Variants in MAGI2 observed in about 807,000 individuals in gnomAD.
MAGI2 encodes membrane associated guanylate kinase, WW and PDZ domain containing 2, also known as membrane-associated guanylate kinase, WW and PDZ domain-containing protein 2.
Under a neutral mutation model 133.3 loss-of-function variants are expected in MAGI2, and 35 were observed. The observed-to-expected ratio is 0.26, with a 90% CI of 0.20 to 0.35. MAGI2 has a LOEUF of 0.35. MAGI2 is among the 10% of genes least tolerant of loss of function. The pLI is 1.00. For missense variants in MAGI2, 1,636 were observed against 1,863.4 expected (o/e 0.88, Z 2.25); for synonymous variants, 729 against 710.6 (o/e 1.03, Z -0.41).
intron 1 of MAGI2, among the ~76,000 whole-genome samples, chr7:79,159,570 G>C (rs1367154604): frequency 6.6e-6 from 1 of 150,620 alleles, no homozygotes; most frequent in Non-Finnish European, 1.5e-5. Flanking sequence ...TTATACAGAT[G>C]GGTCTTTTAT....
At chr7:79,320,170 G>T (rs527275811) in intron 1 of MAGI2, among the ~76,000 whole-genome samples, 1 of 152,126 alleles carries the variant, frequency 6.6e-6, no homozygotes, top group African/African-American at 2.4e-5. Context: ...GAGAGTAAAA[G>T]AATGTTACTT....
chr7:78,734,030 T>C (rs1821614942), intron 2 of MAGI2, among the ~76,000 whole-genome samples: 1 of 152,200 alleles, frequency 6.6e-6, no homozygotes, highest in Non-Finnish European at 1.5e-5. Context: ...ATAACAACTA[T>C]ATGGATTGAA....
Position 78,201,176 on chromosome 7 carries a change from T to G in MAGI2, c.2065A>C (p.Lys689Gln), listed in dbSNP as rs147674887. The change falls in exon 11 of 22, where the codon AAA becomes CAA. Residue 689 changes from lysine (K) to glutamine (Q), a missense_variant. Transcript: ENST00000354212. ...IHRGGFFSPW[K>Q]TPKPIMDRWE... ...TTCCAACTTACAGGCTTTGGAGTTTTCCATGGAGAAAAGAAACCTGTAATA... is the reference window on the plus strand; with the variant it reads ...TTCCAACTTACAGGCTTTGGAGTTTGCCATGGAGAAAAGAAACCTGTAATA... 1 of 1,485,684 alleles carries G rather than the reference T, an allele frequency of 6.7e-7. No individual in the cohort carries two copies. Among genetic ancestry groups the G allele is most frequent in the African/African-American group, 1.5e-5 (1 of 67,772 alleles). The allele number at this position is 1,485,684 out of a possible 1,614,324, so 92.0% of individuals were successfully genotyped here. A position where few individuals can be genotyped will look rare whatever the true frequency, so the allele number is the denominator to read the frequency against.
intron 2 of MAGI2, among the ~76,000 whole-genome samples, chr7:78,653,459 A>G (rs1218550744): frequency 1.3e-5 from 2 of 152,208 alleles, no homozygotes; most frequent in Non-Finnish European, 2.9e-5. Flanking sequence ...CAGACATAGA[A>G]AAGGATGAGT....
intron 12 of MAGI2, among the ~76,000 whole-genome samples, chr7:78,192,938 A>G (rs1465444368): frequency 1.3e-5 from 2 of 152,116 alleles, no homozygotes; most frequent in Non-Finnish European, 2.9e-5. Context: ...CTGCGGCTGT[A>G]GAGGGAAAGG....
intron 2 of MAGI2, among the ~76,000 whole-genome samples, chr7:78,633,955 G>A (rs1809345703): frequency 6.6e-6 from 1 of 152,126 alleles, no homozygotes; most frequent in African/African-American, 2.4e-5. Context: ...TTACTTTTAA[G>A]TAATATTAAT....
At chr7:78,268,614 C>T (rs1389209515) in intron 9 of MAGI2, among the ~76,000 whole-genome samples, 1 of 152,128 alleles carries the variant, frequency 6.6e-6, no homozygotes, top group Non-Finnish European at 1.5e-5. Flanking sequence ...TACATTCAGA[C>T]TTGTCTTCCA....
chr7:79,439,582 C>G (rs12706177), intron 1 of MAGI2, among the ~76,000 whole-genome samples: 1 of 151,922 alleles, frequency 6.6e-6, no homozygotes, highest in African/African-American at 2.4e-5. Flanking sequence ...GCCTCTCCTT[C>G]TACTCTGCAT....
chr7:78,313,013 A>C (rs944363479), intron 9 of MAGI2, among the ~76,000 whole-genome samples: 3 of 151,850 alleles, frequency 2.0e-5, no homozygotes, highest in Non-Finnish European at 4.4e-5. Context: ...AGCCATAAAA[A>C]TGAATGAAAT....
intron 4 of MAGI2, among the ~76,000 whole-genome samples, chr7:78,516,794 A>C (rs970557981): frequency 6.6e-6 from 1 of 152,342 alleles, no homozygotes; most frequent in Middle Eastern, 3.4e-3. Context: ...AGGATGGTGC[A>C]GTGATATTTC....
intron 2 of MAGI2, among the ~76,000 whole-genome samples, chr7:78,926,465 T>G (rs1799699761): frequency 6.6e-6 from 1 of 152,046 alleles, no homozygotes; most frequent in South Asian, 2.1e-4. Flanking sequence ...ACAGACAGAA[T>G]TGCCTGTAGT....
chr7:78,420,008 G>A (rs1268378941), intron 6 of MAGI2, among the ~76,000 whole-genome samples: 3 of 152,142 alleles, frequency 2.0e-5, no homozygotes, highest in African/African-American at 7.2e-5. Context: ...GGACATTGGG[G>A]TACACTAGCT....
chr7:78,889,592 G>T (rs1796568358), intron 2 of MAGI2, among the ~76,000 whole-genome samples: 1 of 152,176 alleles, frequency 6.6e-6, no homozygotes, highest in African/African-American at 2.4e-5. Flanking sequence ...TTAAAGAAAA[G>T]AATTTTCAAC....
rs1799864759 is a variant in MAGI2, at chr7:78,432,237, C to A, written c.1045+57524G>T. 2.0e-5 allele frequency among the ~76,000 whole-genome samples: 3 copies of A among 148,726 alleles called. No homozygotes were observed. In the South Asian group the frequency reaches 6.3e-4, roughly 31 times the overall value. The stretch of plus-strand genomic sequence containing the variant: ...AAAAAAAAAGGCAAAACTAGCTTTT[C>A]TTTTTGCCAAAAACAATTTATACTT... On this transcript the variant is annotated intron_variant, in intron 6 of 21. Transcript: ENST00000354212.
rs1181942882 is a variant in MAGI2, at chr7:78,600,689, G to A, written c.538+26431C>T. 2.6e-5 allele frequency among the ~76,000 whole-genome samples: 4 copies of A among 152,192 alleles called. No homozygotes were observed. The East Asian group carries it at 7.7e-4, about 29-fold the overall frequency. The stretch of plus-strand genomic sequence containing the variant: ...TAATATTTACATAATTATAATTAAA[G>A]CATCGGTGAATTTAATAAAAACTGT... On this transcript the variant is annotated intron_variant, in intron 3 of 21. Transcript: ENST00000354212.
intron 2 of MAGI2, among the ~76,000 whole-genome samples, chr7:78,872,359 G>C (rs1795101389): frequency 6.6e-6 from 1 of 151,918 alleles, no homozygotes; most frequent in African/African-American, 2.4e-5. Flanking sequence ...AAGAACACAA[G>C]ATTGCTTAAT....
At chr7:79,337,371 A>AT (rs1480177730) in intron 1 of MAGI2, among the ~76,000 whole-genome samples, 1 of 152,218 alleles carries the variant, frequency 6.6e-6, no homozygotes, top group Non-Finnish European at 1.5e-5. Flanking sequence ...ACTCTGCTGC[A>AT]TTGGCCCTGC....
intron 3 of MAGI2, among the ~76,000 whole-genome samples, chr7:78,547,407 C>T (rs1380565883): frequency 2.6e-5 from 4 of 152,208 alleles, no homozygotes; most frequent in South Asian, 4.1e-4. Flanking sequence ...ATGGCAGGTT[C>T]GCTGAGTGCT....
chr7:78,832,448 G>T (rs1791260522), intron 2 of MAGI2, among the ~76,000 whole-genome samples: 2 of 152,102 alleles, frequency 1.3e-5, no homozygotes, highest in South Asian at 2.1e-4. Context: ...AAATAATTCA[G>T]TACATAGTAA....
Sources: allele counts gnomAD v4.1 joint callset (sites outside exome capture counted in the v4.1 genomes callset), GRCh38; gene constraint gnomAD v4.1.1; transcripts MANE v1.5; gene names NCBI Gene and HGNC (gene_info 2026-07-23, HGNC 2026-07-21).